ADAM18: variants seen among roughly 807,000 people sequenced by gnomAD.
ADAM18 encodes ADAM metallopeptidase domain 18.
Under a neutral mutation model 94.4 loss-of-function variants are expected in ADAM18, and 117 were observed. The ratio of observed to expected loss-of-function variants is 1.24; its 90% CI spans 1.07 to 1.45. The LOEUF is 1.45. ADAM18 is among the 40% of genes most tolerant of loss of function. The probability of loss-of-function intolerance (pLI) is 0.00; values close to 1 mark genes in which losing one functional copy is unlikely to be tolerated. For missense variants in ADAM18, 936 were observed against 880.0 expected (o/e 1.06, Z -0.81); for synonymous variants, 327 against 291.6 (o/e 1.12, Z -1.24).
chr8:39,647,016 A>T (rs942678138), intron 11 of ADAM18, among the ~76,000 whole-genome samples: 1 of 152,104 alleles, frequency 6.6e-6, no homozygotes, highest in Non-Finnish European at 1.5e-5. Flanking sequence ...CACCTGTGGG[A>T]TATCTCGTCA....
intron 2 of ADAM18, among the ~76,000 whole-genome samples, chr8:39,593,632 G>A (rs1818644676): frequency 6.6e-6 from 1 of 152,042 alleles, no homozygotes; most frequent in Admixed American, 6.6e-5. Flanking sequence ...TTCACCAAAA[G>A]GATACAATGG....
intron 12 of ADAM18, among the ~76,000 whole-genome samples, chr8:39,656,109 A>G (rs943760797): frequency 4.6e-5 from 7 of 152,038 alleles, no homozygotes; most frequent in East Asian, 1.9e-4. Flanking sequence ...TTGTGTTTGC[A>G]TATGTGTTGG....
chr8:39,729,682 T>C (rs1260706875), intron 19 of ADAM18, among the ~76,000 whole-genome samples: 1 of 152,034 alleles, frequency 6.6e-6, no homozygotes, highest in African/African-American at 2.4e-5. Context: ...CCTTATAATA[T>C]AGATAAGTTA....
intron 9 of ADAM18, 94 bp downstream of exon 9, chr8:39,637,797 GCC>G: frequency 3.2e-6 from 4 of 1,237,088 alleles, no homozygotes; most frequent in Non-Finnish European, 4.3e-6. Context: ...TTTTTTGTAA[GCC>G]CCTTTGGAAG....
intron 17 of ADAM18, among the ~76,000 whole-genome samples, chr8:39,704,251 C>A (rs779100527): frequency 2.0e-5 from 3 of 152,016 alleles, no homozygotes; most frequent in Non-Finnish European, 2.9e-5. Context: ...AGACACACAA[C>A]AAAAAATTAA....
At chr8:39,587,793 T>G (rs750754113) in intron 2 of ADAM18, among the ~76,000 whole-genome samples, 1 of 152,174 alleles carries the variant, frequency 6.6e-6, no homozygotes, top group African/African-American at 2.4e-5. Context: ...AATCATATAG[T>G]GTTTGTCCTT....
In ADAM18 at chr8:39,637,545, C is replaced by A. The variant is rs1434424153; in HGVS notation, c.669C>A (p.Thr223=). ...QVIGLVNTMF[T]QFKLTVILSS... is the part of the protein sequence containing the mutation. Reference sequence around the variant, plus strand: ...ATACATCTTATTTTTAGATGTTTACCCAGTTCAAATTGACTGTTATACTGT... The same window carrying A: ...ATACATCTTATTTTTAGATGTTTACACAGTTCAAATTGACTGTTATACTGT... Residue 223 remains threonine, a synonymous_variant, in exon 9 of 20, where the codon ACC becomes ACA. Coordinates refer to ENST00000265707, the MANE Select transcript of ADAM18 (RefSeq NM_014237.3). 5.6e-6 allele frequency: 9 copies of A among 1,606,144 alleles called. No homozygotes were observed. In the African/African-American group the frequency reaches 9.4e-5, roughly 17 times the overall value.
At chr8:39,593,631 A>T (rs917428313) in intron 2 of ADAM18, among the ~76,000 whole-genome samples, 1 of 152,156 alleles carries the variant, frequency 6.6e-6, no homozygotes, top group Non-Finnish European at 1.5e-5. Flanking sequence ...GTTCACCAAA[A>T]GGATACAATG....
intron 6 of ADAM18, among the ~76,000 whole-genome samples, chr8:39,621,753 AG>A (rs1188540093): frequency 6.6e-6 from 1 of 152,226 alleles, no homozygotes; most frequent in East Asian, 1.9e-4. Flanking sequence ...GCCATACAAA[AG>A]AATGAGATCA....
chr8:39,624,829 T>C (rs1819717488), intron 6 of ADAM18, among the ~76,000 whole-genome samples: 1 of 152,216 alleles, frequency 6.6e-6, no homozygotes, highest in Non-Finnish European at 1.5e-5. Flanking sequence ...GCTCCGTCCA[T>C]GTAAGACATG....
At chr8:39,587,607 G>T (rs1818442283) in intron 2 of ADAM18, among the ~76,000 whole-genome samples, 1 of 152,024 alleles carries the variant, frequency 6.6e-6, no homozygotes, top group Admixed American at 6.6e-5. Context: ...ACCACACCTG[G>T]ATAATTTTGT....
At chr8:39,672,485 G>T (rs28721356) in intron 14 of ADAM18, among the ~76,000 whole-genome samples, 4,795 of 152,158 alleles carry the variant, frequency 0.032, 274 homozygotes, top group African/African-American at 0.11. Flanking sequence ...AATATAATAC[G>T]ATTTCCCTGT....
chr8:39,692,515 T>TTA, intron 16 of ADAM18, 85 bp from the exon 17 acceptor site: 2 of 683,200 alleles, frequency 2.9e-6, no homozygotes, highest in Non-Finnish European at 4.7e-6. Flanking sequence ...TAAGCATCTC[T>TTA]TATACATATA....
chr8:39,654,964 T>C (rs1296618683), intron 12 of ADAM18, among the ~76,000 whole-genome samples: 1 of 152,182 alleles, frequency 6.6e-6, no homozygotes, highest in Non-Finnish European at 1.5e-5. Flanking sequence ...AATTGGCAAA[T>C]ATTTTCTCCC....
intron 16 of ADAM18, among the ~76,000 whole-genome samples, chr8:39,681,482 A>G (rs906956696): frequency 6.6e-6 from 1 of 152,236 alleles, no homozygotes; most frequent in African/African-American, 2.4e-5. Context: ...AAGTTGTGAT[A>G]TAATAAATAC....
Position 39,610,680 on chromosome 8 carries a change from C to G in ADAM18, c.496C>G (p.Pro166Ala). The G allele has an allele frequency of 6.2e-7, 1 of 1,613,164 alleles. No individual in the cohort carries two copies. Residue 166 changes from proline (P) to alanine (A), a missense_variant, in exon 6 of 20, where the codon CCC becomes GCC. Transcript: ENST00000265707. ...NYSHIWQKDQ[P>A]YKVPLNSQIK... ...CAGTCATATTTGGCAGAAAGACCAG[C>G]CCTACAAAGTTCCTTTAAACTCACA...
At chr8:39,677,364 T>A (rs1821327343) in intron 14 of ADAM18, 67 bp from the exon 15 acceptor site, 1 of 1,280,880 alleles carries the variant, frequency 7.8e-7, no homozygotes, top group Non-Finnish European at 1.1e-6. Context: ...ATTTCCTTAG[T>A]CTGTTACTGA....
intron 12 of ADAM18, among the ~76,000 whole-genome samples, chr8:39,654,530 T>C (rs1025854815): frequency 6.6e-6 from 1 of 152,218 alleles, no homozygotes; most frequent in African/African-American, 2.4e-5. Context: ...CTTTTGAGTA[T>C]ACTAATTTCC....
intron 17 of ADAM18, among the ~76,000 whole-genome samples, chr8:39,700,047 A>C (rs1822021357): frequency 6.6e-6 from 1 of 152,222 alleles, no homozygotes; most frequent in Non-Finnish European, 1.5e-5. Context: ...AATTGGCCAG[A>C]ATATTCTATC....
Sources: allele counts gnomAD v4.1 joint callset (sites outside exome capture counted in the v4.1 genomes callset), GRCh38; gene constraint gnomAD v4.1.1; transcripts MANE v1.5; gene names NCBI Gene and HGNC (gene_info 2026-07-23, HGNC 2026-07-21).